ASAP2: variants seen among roughly 807,000 people sequenced by gnomAD.
ASAP2 encodes arf-GAP with SH3 domain, ANK repeat and PH domain-containing protein 2.
A neutral mutation model predicts 131.4 loss-of-function variants in ASAP2; 45 were observed. The ratio of observed to expected loss-of-function variants is 0.34; its 90% CI spans 0.27 to 0.44. The LOEUF is 0.44. ASAP2 is among the 20% of genes least tolerant of loss of function. The probability of loss-of-function intolerance (pLI) is 1.00; values close to 1 mark genes in which losing one functional copy is unlikely to be tolerated. For missense variants in ASAP2, 1,011 were observed against 1,297.0 expected (o/e 0.78, Z 3.39); for synonymous variants, 510 against 503.0 (o/e 1.01, Z -0.19).
intron 3 of ASAP2, among the ~76,000 whole-genome samples, chr2:9,318,117 C>A (rs538358540): frequency 6.6e-6 from 1 of 152,298 alleles, no homozygotes; most frequent in African/African-American, 2.4e-5. Context: ...GCCTGGGGCC[C>A]AGAGCACCAA....
chr2:9,353,151 C>T (rs1672458010), intron 12 of ASAP2, among the ~76,000 whole-genome samples: 1 of 152,158 alleles, frequency 6.6e-6, no homozygotes, highest in Non-Finnish European at 1.5e-5. Flanking sequence ...GGGGTCAAGA[C>T]CTGATTCTGG....
At chr2:9,322,517 G>C (rs1021896187) in intron 5 of ASAP2, among the ~76,000 whole-genome samples, 1 of 147,256 alleles carries the variant, frequency 6.8e-6, no homozygotes, top group Non-Finnish European at 1.5e-5. Context: ...TAGCAGCCAC[G>C]ATTACCCTGG....
chr2:9,318,205 G>A (rs1669927622), intron 3 of ASAP2, among the ~76,000 whole-genome samples: 2 of 152,130 alleles, frequency 1.3e-5, no homozygotes, highest in Admixed American at 6.5e-5. Flanking sequence ...CTAGGCTTTC[G>A]ACGTAATTCT....
intron 1 of ASAP2, among the ~76,000 whole-genome samples, chr2:9,256,954 C>T (rs986112982): frequency 6.6e-6 from 1 of 152,230 alleles, no homozygotes; most frequent in Non-Finnish European, 1.5e-5. Context: ...GGGGGCAGCA[C>T]AGCTGATGGA....
intron 1 of ASAP2, among the ~76,000 whole-genome samples, chr2:9,272,801 G>A (rs560040024): frequency 3.2e-4 from 48 of 152,158 alleles, no homozygotes; most frequent in African/African-American, 1.2e-3. Flanking sequence ...ACAATTTATT[G>A]AAAAAATTGT....
At position 9,334,765 on chromosome 2, in the gene ASAP2, G is replaced by A. The variant is rs149808153; in HGVS notation, c.714G>A (p.Val238=). 377 of 1,613,920 alleles carry A rather than the reference G, an allele frequency of 2.3e-4. No individual in the cohort carries two copies. The highest frequency in any genetic ancestry group is 3.1e-4 in the Non-Finnish European group (367 of 1,179,990). Residue 238 remains valine (V), a synonymous_variant, in exon 8 of 28, where the codon GTG becomes GTA. Transcript: ENST00000281419. ...CNFFQDGLKA[V]ESLKPSIETL... ...TTTTTCAGGATGGACTCAAAGCCGT[G>A]GAAAGCCTCAAACCTTCCATTGAAA...
intron 24 of ASAP2, among the ~76,000 whole-genome samples, chr2:9,394,159 C>CTTTT (rs71389241): frequency 9.8e-4 from 80 of 81,778 alleles, no homozygotes; most frequent in Non-Finnish European, 1.2e-3. Context: ...TAGTTTGTGG[C>CTTTT]TTTTTTTTTT....
intron 8 of ASAP2, 95 bp downstream of exon 8, chr2:9,334,908 G>A (rs1671097580): frequency 4.8e-6 from 7 of 1,454,214 alleles, no homozygotes; most frequent in Admixed American, 1.7e-5. Context: ...GTGTTTTCAT[G>A]CCGTGCCGCC....
chr2:9,393,995 G>T lies in ASAP2; in HGVS notation c.2684+348G>T, dbSNP rs185209442. ...ACATAGACCCTCTGTGGTGTGAGGC[G>T]TGGATTTCCCACAAACAAGGACATT... On this transcript the variant is annotated intron_variant, in intron 24 of 27. Coordinates refer to ENST00000281419, the MANE Select transcript of ASAP2 (RefSeq NM_003887.3). 5.3e-5 allele frequency among the ~76,000 whole-genome samples: 8 copies of T among 152,194 alleles called. No homozygotes were observed. In the South Asian group the frequency reaches 1.7e-3, roughly 32 times the overall value.
chr2:9,380,822 C>G lies in ASAP2; in HGVS notation c.2016+14C>G. 1 of 1,613,396 alleles carries G rather than the reference C, an allele frequency of 6.2e-7. No individual in the cohort carries two copies. Among genetic ancestry groups the G allele is most frequent in the African/African-American group, 1.3e-5 (1 of 75,048 alleles). On this transcript the variant is annotated intron_variant, in intron 20 of 27. Coordinates refer to ENST00000281419, the MANE Select transcript of ASAP2 (RefSeq NM_003887.3). ...TGTGAGGAGCTGGTGAGTCTCCCAC[C>G]ACAAGGACGGGGTGGGGCACCTGTC...
intron 9 of ASAP2, among the ~76,000 whole-genome samples, chr2:9,335,477 G>A (rs1399440979): frequency 6.6e-6 from 1 of 152,200 alleles, no homozygotes; most frequent in Non-Finnish European, 1.5e-5. Context: ...GAGACCATGT[G>A]TCATTTGTGC....
intron 3 of ASAP2, among the ~76,000 whole-genome samples, chr2:9,312,486 C>A (rs1395746348): frequency 6.6e-6 from 1 of 152,158 alleles, no homozygotes; most frequent in East Asian, 1.9e-4. Context: ...CACGATGCCC[C>A]ATCTTTTGAA....
At chr2:9,391,342 C>T in intron 23 of ASAP2, 146 bp downstream of exon 23, 2 of 1,176,532 alleles carry the variant, frequency 1.7e-6, no homozygotes, top group Middle Eastern at 2.6e-4. Flanking sequence ...TTGTGCAGGG[C>T]TCTCAGCTCC....
At chr2:9,277,762 C>T (rs1666850051) in intron 1 of ASAP2, among the ~76,000 whole-genome samples, 1 of 152,186 alleles carries the variant, frequency 6.6e-6, no homozygotes, top group African/African-American at 2.4e-5. Context: ...CTTGTACATT[C>T]CATGGGCTTG....
chr2:9,351,258 A>G (rs889380941), intron 12 of ASAP2, among the ~76,000 whole-genome samples: 2 of 152,214 alleles, frequency 1.3e-5, no homozygotes, highest in Non-Finnish European at 2.9e-5. Flanking sequence ...GTTTTCAAGA[A>G]CTTACATAAT....
chr2:9,290,354 C>T (rs1194600706), intron 2 of ASAP2, among the ~76,000 whole-genome samples: 1 of 152,116 alleles, frequency 6.6e-6, no homozygotes, highest in Non-Finnish European at 1.5e-5. Context: ...GGATTACAGA[C>T]ACCTGCCACC....
At chr2:9,315,004 T>C (rs1005729588) in intron 3 of ASAP2, among the ~76,000 whole-genome samples, 1 of 151,526 alleles carries the variant, frequency 6.6e-6, no homozygotes, top group Non-Finnish European at 1.5e-5. Flanking sequence ...TGGGGTTGCT[T>C]AGTAGAGAAG....
chr2:9,348,904 A>G (rs964729057), intron 11 of ASAP2, among the ~76,000 whole-genome samples: 1 of 152,172 alleles, frequency 6.6e-6, no homozygotes, highest in African/African-American at 2.4e-5. Flanking sequence ...ACCGCCTTCC[A>G]TGGATACCCA....
chr2:9,312,063 C>G (rs981177958), intron 3 of ASAP2, among the ~76,000 whole-genome samples: 2 of 152,190 alleles, frequency 1.3e-5, no homozygotes, highest in African/African-American at 4.8e-5. Flanking sequence ...TCACCCATTT[C>G]AAGTGTACAC....
Sources: gnomAD v4.1 joint callset for allele counts (sites outside exome capture counted in the v4.1 genomes callset) on GRCh38, gnomAD v4.1.1 for gene constraint, MANE v1.5 for transcripts, NCBI Gene and HGNC (gene_info 2026-07-23, HGNC 2026-07-21) for gene names.